Variants in MSRA observed in about 807,000 individuals in gnomAD.
MSRA encodes methionine sulfoxide reductase A.
In MSRA, 54 loss-of-function variants were observed where a neutral mutation model predicts 31.3. The observed-to-expected ratio is 1.73, with a 90% CI of 1.39 to 2.17. The LOEUF (loss-of-function observed/expected upper bound fraction) is 2.17, where lower values mean the gene tolerates loss of function less well. MSRA is among the 30% of genes most tolerant of loss of function. The probability of loss-of-function intolerance (pLI) is 0.00; values close to 1 mark genes in which losing one functional copy is unlikely to be tolerated. For missense variants in MSRA, 507 were observed against 300.9 expected (o/e 1.69, Z -5.07); for synonymous variants, 169 against 116.5 (o/e 1.45, Z -2.90).
At chr8:10,282,711 T>G (rs963287603) in intron 3 of MSRA, among the ~76,000 whole-genome samples, 1 of 152,174 alleles carries the variant, frequency 6.6e-6, no homozygotes. Context: ...CCAGACCTTA[T>G]CACTACCAAG....
intron 5 of MSRA, among the ~76,000 whole-genome samples, chr8:10,396,049 T>C (rs1025076510): frequency 3.3e-5 from 5 of 152,164 alleles, no homozygotes; most frequent in Non-Finnish European, 5.9e-5. Flanking sequence ...GCTCCCTCCC[T>C]TCTCCCCTTC....
intron 5 of MSRA, among the ~76,000 whole-genome samples, chr8:10,339,545 T>C (rs1381982560): frequency 5.0e-5 from 5 of 100,990 alleles, no homozygotes; most frequent in South Asian, 3.9e-4. Flanking sequence ...TTTTTTTTTT[T>C]TTTTTTTTTT....
intron 5 of MSRA, among the ~76,000 whole-genome samples, chr8:10,403,719 G>A (rs758639640): frequency 2.6e-5 from 4 of 152,214 alleles, no homozygotes; most frequent in Non-Finnish European, 4.4e-5. Flanking sequence ...AAACTGGTGT[G>A]AGACACACAT....
chr8:10,195,770 G>A (rs531119452), intron 1 of MSRA, among the ~76,000 whole-genome samples: 2 of 152,322 alleles, frequency 1.3e-5, no homozygotes, highest in African/African-American at 4.8e-5. Flanking sequence ...AGAGAATCAA[G>A]ACAAGTTTGC....
At chr8:10,196,347 G>A (rs1249260024) in intron 1 of MSRA, among the ~76,000 whole-genome samples, 2 of 152,078 alleles carry the variant, frequency 1.3e-5, no homozygotes, top group Non-Finnish European at 2.9e-5. Context: ...TGGGTGATAG[G>A]ATGAGCAAGT....
At chr8:10,353,550 C>G (rs1585562134) in intron 5 of MSRA, 1 of 454,770 alleles carries the variant, frequency 2.2e-6, no homozygotes, top group Non-Finnish European at 4.4e-6. Flanking sequence ...CCTGACGTTT[C>G]TGTAACGAGA....
intron 1 of MSRA, among the ~76,000 whole-genome samples, chr8:10,060,870 T>G (rs1312298868): frequency 6.6e-6 from 1 of 152,236 alleles, no homozygotes; most frequent in Non-Finnish European, 1.5e-5. Context: ...ACAAATTCCT[T>G]CCACTATTAT....
At chr8:10,157,686 C>T (rs546548768) in intron 1 of MSRA, among the ~76,000 whole-genome samples, 2 of 151,902 alleles carry the variant, frequency 1.3e-5, no homozygotes, top group South Asian at 4.2e-4. Flanking sequence ...GTCAAATTTC[C>T]CTCATTTATA....
chr8:10,296,668 G>A (rs1051311831), intron 3 of MSRA, among the ~76,000 whole-genome samples: 7 of 152,216 alleles, frequency 4.6e-5, no homozygotes, highest in African/African-American at 1.4e-4. Context: ...TAATCACCCA[G>A]TTTGCAGGTG....
chr8:10,329,570 G>C (rs1218524263), intron 5 of MSRA, among the ~76,000 whole-genome samples: 1 of 152,180 alleles, frequency 6.6e-6, no homozygotes, highest in East Asian at 1.9e-4. Flanking sequence ...ACATTCACAG[G>C]TTTTAGGGGA....
At chr8:10,343,473 A>G (rs1469079858) in intron 5 of MSRA, among the ~76,000 whole-genome samples, 4 of 152,166 alleles carry the variant, frequency 2.6e-5, no homozygotes, top group African/African-American at 4.8e-5. Context: ...TTTCTGGCAT[A>G]TGGTTTTCTT....
chr8:10,209,168 C>G (rs1336620119), intron 2 of MSRA, among the ~76,000 whole-genome samples: 1 of 152,190 alleles, frequency 6.6e-6, no homozygotes, highest in African/African-American at 2.4e-5. Context: ...CCTCTCTAAA[C>G]CATGTGCTAA....
intron 3 of MSRA, among the ~76,000 whole-genome samples, chr8:10,276,456 A>G (rs986847222): frequency 6.6e-6 from 1 of 152,244 alleles, no homozygotes. Flanking sequence ...CGGCCTCACA[A>G]TGCAGCTTAA....
At chr8:10,223,149 G>T (rs1469839378) in intron 2 of MSRA, among the ~76,000 whole-genome samples, 2 of 152,200 alleles carry the variant, frequency 1.3e-5, no homozygotes, top group Non-Finnish European at 2.9e-5. Context: ...CCTTCCTAGA[G>T]AGTATTTAGG....
chr8:10,224,934 T>A lies in MSRA; in HGVS notation c.211+17033T>A, dbSNP rs1181649358. The stretch of plus-strand genomic sequence containing the variant: ...TGGGAGGATCACCTGAGGTCAGGAG[T>A]TCAAGACCAGCCTGGCCAGCATGGC... On this transcript the variant is annotated intron_variant, in intron 2 of 5. Coordinates refer to ENST00000317173, the MANE Select transcript of MSRA (RefSeq NM_012331.5). 2.6e-5 allele frequency among the ~76,000 whole-genome samples: 4 copies of A among 151,730 alleles called. No homozygotes were observed. In the East Asian group the frequency reaches 7.7e-4, roughly 29 times the overall value.
intron 3 of MSRA, among the ~76,000 whole-genome samples, chr8:10,298,385 G>A (rs1318293305): frequency 6.6e-6 from 1 of 152,162 alleles, no homozygotes; most frequent in Admixed American, 6.5e-5. Context: ...AAGACAAATA[G>A]TGGATTCCAC....
chr8:10,221,043 C>T (rs999319720), intron 2 of MSRA, among the ~76,000 whole-genome samples: 1 of 152,194 alleles, frequency 6.6e-6, no homozygotes, highest in African/African-American at 2.4e-5. Flanking sequence ...GACAGCTCTG[C>T]AGTACAGATA....
intron 1 of MSRA, among the ~76,000 whole-genome samples, chr8:10,114,311 C>T (rs544142549): frequency 6.6e-6 from 1 of 152,164 alleles, no homozygotes; most frequent in Admixed American, 6.5e-5. Flanking sequence ...CGGACAAGTT[C>T]TTGTGTGAAT....
intron 1 of MSRA, among the ~76,000 whole-genome samples, chr8:10,173,187 T>A (rs932142976): frequency 6.6e-6 from 1 of 152,268 alleles, no homozygotes; most frequent in Non-Finnish European, 1.5e-5. Flanking sequence ...TTGGTTCGAC[T>A]ATGTGATCTT....
Sources: allele counts gnomAD v4.1 joint callset (sites outside exome capture counted in the v4.1 genomes callset), GRCh38; gene constraint gnomAD v4.1.1; transcripts MANE v1.5; gene names NCBI Gene and HGNC (gene_info 2026-07-23, HGNC 2026-07-21).